Variants in PAPPA observed in about 807,000 individuals in gnomAD.
PAPPA encodes pappalysin 1.
In PAPPA, 60 loss-of-function variants were observed where a neutral mutation model predicts 164.0. That is an observed-to-expected ratio of 0.37 (90% confidence interval 0.30 to 0.45). The LOEUF is 0.45. Among genes scored for constraint, PAPPA ranks in the 20% least tolerant of loss-of-function variants. The pLI, the probability that PAPPA is intolerant of heterozygous loss-of-function variation, is 1.00. For missense variants in PAPPA, 1,782 were observed against 2,087.3 expected (o/e 0.85, Z 2.85); for synonymous variants, 875 against 814.1 (o/e 1.07, Z -1.27).
At chr9:116,238,803 G>A (rs992837465) in intron 7 of PAPPA, among the ~76,000 whole-genome samples, 19 of 152,072 alleles carry the variant, frequency 1.2e-4, no homozygotes, top group Admixed American at 6.6e-5. Context: ...AATGTTCTCT[G>A]AGACTGAAAA....
chr9:116,226,384 C>G (rs900270054), intron 5 of PAPPA, among the ~76,000 whole-genome samples: 2 of 152,108 alleles, frequency 1.3e-5, no homozygotes, highest in African/African-American at 4.8e-5. Context: ...AGTGAACGTC[C>G]CTGTGAGGGG....
intron 4 of PAPPA, among the ~76,000 whole-genome samples, chr9:116,212,927 A>G (rs1444838657): frequency 6.6e-6 from 1 of 152,228 alleles, no homozygotes; most frequent in Non-Finnish European, 1.5e-5. Flanking sequence ...AGTCAGAACT[A>G]TCCCCACTCT....
intron 9 of PAPPA, among the ~76,000 whole-genome samples, chr9:116,282,430 C>A (rs986134547): frequency 4.6e-5 from 7 of 152,116 alleles, no homozygotes; most frequent in Non-Finnish European, 8.8e-5. Context: ...CACCCTTTTT[C>A]CATCTCACCA....
intron 9 of PAPPA, among the ~76,000 whole-genome samples, chr9:116,295,682 T>C (rs1845497826): frequency 6.6e-6 from 1 of 152,198 alleles, no homozygotes; most frequent in South Asian, 2.1e-4. Flanking sequence ...TTTCTTACTG[T>C]ATTAGTTCCA....
intron 1 of PAPPA, among the ~76,000 whole-genome samples, chr9:116,173,608 T>C (rs1843798441): frequency 6.6e-6 from 1 of 152,230 alleles, no homozygotes; most frequent in Admixed American, 6.5e-5. Flanking sequence ...TCAGTTACTC[T>C]GTGCACCCTC....
At chr9:116,360,060 C>T (rs1846404093) in intron 17 of PAPPA, among the ~76,000 whole-genome samples, 2 of 152,252 alleles carry the variant, frequency 1.3e-5, no homozygotes. Flanking sequence ...CATGAGCAGA[C>T]TCCGGCTACT....
intron 4 of PAPPA, among the ~76,000 whole-genome samples, chr9:116,215,429 A>G (rs1844358344): frequency 6.6e-6 from 1 of 152,208 alleles, no homozygotes; most frequent in Non-Finnish European, 1.5e-5. Context: ...GAATGAGATT[A>G]TGTCTTTTTC....
intron 1 of PAPPA, among the ~76,000 whole-genome samples, chr9:116,158,878 G>A (rs561950966): frequency 6.6e-6 from 1 of 152,176 alleles, no homozygotes; most frequent in African/African-American, 2.4e-5. Flanking sequence ...AAGTCCCACA[G>A]GTTCTCAGTG....
Position 116,154,439 on chromosome 9 carries a change from G to A in PAPPA, c.267G>A (p.Glu89=), listed in dbSNP as rs1291694636. 1.6e-6 allele frequency: 2 copies of A among 1,274,926 alleles called. No individual in the cohort carries two copies. The highest frequency in any genetic ancestry group is 2.0e-6 in the Non-Finnish European group (2 of 1,010,710). The allele number at this position is 1,274,926 out of a possible 1,614,324, so 79.0% of individuals were successfully genotyped here. ...GGGAGGCGAGGGGCGCCACCGAGGA[G>A]CCGAGCCCGCCGAGCCGGGCGCTCT... is the stretch of plus-strand genomic sequence containing the variant. ...QQREARGATE[E]PSPPSRALYF... The change falls in exon 1 of 22, where the codon GAG becomes GAA. Residue 89 remains glutamate, a synonymous_variant. Transcript: ENST00000328252. The surrounding 1 kb of genome is among the most constrained non-coding windows in gnomAD (Gnocchi z 5.2).
chr9:116,232,471 T>C (rs955742605), intron 6 of PAPPA, among the ~76,000 whole-genome samples: 4 of 152,158 alleles, frequency 2.6e-5, no homozygotes, highest in African/African-American at 7.2e-5. Flanking sequence ...TAACCCAACT[T>C]TCATTCCTTC....
At chr9:116,296,507 G>C (rs1845508190) in intron 9 of PAPPA, among the ~76,000 whole-genome samples, 1 of 152,160 alleles carries the variant, frequency 6.6e-6, no homozygotes, top group Non-Finnish European at 1.5e-5. Context: ...GATCTTGTCT[G>C]CCTGATAAGG....
intron 10 of PAPPA, among the ~76,000 whole-genome samples, chr9:116,324,695 G>C (rs1327204901): frequency 6.6e-6 from 1 of 152,212 alleles, no homozygotes; most frequent in Non-Finnish European, 1.5e-5. Flanking sequence ...TGATATTTGA[G>C]AGTGGCTTTG....
chr9:116,157,899 C>T (rs996192297), intron 1 of PAPPA, among the ~76,000 whole-genome samples: 1 of 152,160 alleles, frequency 6.6e-6, no homozygotes, highest in Non-Finnish European at 1.5e-5. Flanking sequence ...AACTGCCCCC[C>T]CAACACCCCT....
At chr9:116,292,410 A>T (rs1334874194) in intron 9 of PAPPA, among the ~76,000 whole-genome samples, 1 of 152,178 alleles carries the variant, frequency 6.6e-6, no homozygotes, top group African/African-American at 2.4e-5. Flanking sequence ...GTAATGATAG[A>T]ACAAATTAGA....
chr9:116,267,880 TCAAAAAA>T (rs1845089065), intron 8 of PAPPA, among the ~76,000 whole-genome samples: 1 of 26,364 alleles, frequency 3.8e-5, no homozygotes, highest in African/African-American at 1.8e-4. Flanking sequence ...AGACTCCGTC[TCAAAAAA>T]AAAAAAAAAA....
At chr9:116,315,941 T>C (rs563916971) in intron 10 of PAPPA, among the ~76,000 whole-genome samples, 8 of 152,324 alleles carry the variant, frequency 5.3e-5, no homozygotes, top group African/African-American at 1.9e-4. Context: ...CTCTACACTG[T>C]TTTTTGTACA....
rs141187427 is a variant in PAPPA at position 116,324,752 on chromosome 9, C to T, written c.3148-6492C>T. On this transcript the variant is annotated intron_variant, in intron 10 of 21. Coordinates refer to ENST00000328252, the MANE Select transcript of PAPPA (RefSeq NM_002581.5). ...AAATGGGCAATGCAGCGGTGGTGGGCGTGGGGGTTCTGGGCTCCAGCATCA... is the reference window on the plus strand; with the variant it reads ...AAATGGGCAATGCAGCGGTGGTGGGTGTGGGGGTTCTGGGCTCCAGCATCA... Among the ~76,000 whole-genome samples the T allele has an allele frequency of 9.6e-3, 1,464 of 152,018 alleles. 24 individuals are homozygous for T. The highest frequency in any genetic ancestry group is 0.034 in the African/African-American group (1,390 of 41,456).
chr9:116,284,375 G>A (rs549543602), intron 9 of PAPPA, among the ~76,000 whole-genome samples: 1 of 152,176 alleles, frequency 6.6e-6, no homozygotes, highest in South Asian at 2.1e-4. Context: ...CCTGGTACCT[G>A]TGAAGTGTTA....
chr9:116,253,810 T>A (rs183446039), intron 7 of PAPPA, among the ~76,000 whole-genome samples: 92 of 152,346 alleles, frequency 6.0e-4, no homozygotes, highest in Non-Finnish European at 1.0e-3. Flanking sequence ...GTTTTAGTTA[T>A]TGTTAAATAA....
Sources: gnomAD v4.1 joint callset for allele counts (sites outside exome capture counted in the v4.1 genomes callset) on GRCh38, gnomAD v4.1.1 for gene constraint, Gnocchi (gnomAD v3.1) non-coding constraint, MANE v1.5 for transcripts, NCBI Gene and HGNC (gene_info 2026-07-23, HGNC 2026-07-21) for gene names.